Variants in RAN observed in about 807,000 individuals in gnomAD.
RAN encodes the protein RAN, member RAS oncogene family, also known as GTP-binding nuclear protein Ran.
RAN carries 2 observed loss-of-function variants against 26.8 expected under a neutral mutation model. That is an observed-to-expected ratio of 0.07 (90% CI 0.03 to 0.23). RAN has a LOEUF of 0.23. RAN is among the 10% of genes least tolerant of loss of function. RAN has a pLI of 1.00. For synonymous variants in RAN, 132 were observed against 95.9 expected (o/e 1.38, Z -2.20); for missense variants, 56 against 264.8 (o/e 0.21, Z 5.47).
intron 5 of RAN, 112 bp downstream of exon 5, chr12:130,874,845 C>T (rs79644464): frequency 1.5e-4 from 144 of 937,132 alleles, no homozygotes; most frequent in Middle Eastern, 3.2e-4. Context: ...TTCCCCAAGA[C>T]GGAGTCTTCC....
chr12:130,873,115 C>T lies in RAN; in HGVS notation c.234C>T (p.Gly78=), dbSNP rs1953170064. 1 of 1,614,114 alleles carries T rather than the reference C, an allele frequency of 6.2e-7. No individual in the cohort carries two copies. Among genetic ancestry groups the T allele is most frequent in the Non-Finnish European group, 8.5e-7 (1 of 1,180,002 alleles). Residue 78 remains glycine, a synonymous_variant, in exon 4 of 7, where the codon GGC becomes GGT. Coordinates refer to ENST00000543796, the MANE Select transcript of RAN (RefSeq NM_006325.5). The part of the protein sequence containing the change: ...GQEKFGGLRD[G]YYIQAQCAII... ...AGAAATTCGGTGGACTGAGAGATGG[C>T]TATTATATCCAAGGTAGGCATTTGT...
intron 1 of RAN, chr12:130,872,377 C>T (rs1382422878): frequency 3.7e-5 from 6 of 162,674 alleles, no homozygotes; most frequent in East Asian, 3.7e-4. Context: ...GTTCCCATCC[C>T]TACACCTCCG....
chr12:130,873,517 G>T (rs1386555477), intron 4 of RAN: 1 of 201,874 alleles, frequency 5.0e-6, no homozygotes, highest in African/African-American at 2.3e-5. Flanking sequence ...GACCAGAGGA[G>T]ATAGGAGATC....
chr12:130,875,794 A>G lies in RAN; in HGVS notation c.606+12A>G, dbSNP rs1953227830. ...AGCACGACTTAGAGGTATTGTGGCC[A>G]CTTTGCTGTTCAGATTGTTCGGTTT... On this transcript the variant is annotated intron_variant, in intron 6 of 6. Coordinates refer to ENST00000543796, the MANE Select transcript of RAN (RefSeq NM_006325.5). The G allele has an allele frequency of 1.2e-6, 2 of 1,614,112 alleles. No homozygotes were observed. Among genetic ancestry groups the G allele is most frequent in the African/African-American group, 1.3e-5 (1 of 75,022 alleles).
rs1291083991 is a variant in RAN at position 130,873,126 on chromosome 12, A to G, written c.245A>G (p.Gln82Arg). Reference protein sequence around the residue: ...FGGLRDGYYIQAQCAIIMFDV... With the variant: ...FGGLRDGYYIRAQCAIIMFDV... Reference sequence around the variant, plus strand: ...GGACTGAGAGATGGCTATTATATCCAAGGTAGGCATTTGTAACTTGCTGAA... The same window carrying G: ...GGACTGAGAGATGGCTATTATATCCGAGGTAGGCATTTGTAACTTGCTGAA... The change falls in exon 4 of 7, where the codon CAA becomes CGA. Residue 82 changes from glutamine (Q) to arginine (R), a missense_variant and splice_region_variant. Physicochemically the swap from Gln to Arg is conservative, Grantham distance 43. Transcript: ENST00000543796. 1 of 1,614,042 alleles carries G rather than the reference A, an allele frequency of 6.2e-7. No individual in the cohort carries two copies. Among genetic ancestry groups the G allele is most frequent in the African/African-American group, 1.3e-5 (1 of 74,924 alleles).
chr12:130,875,753 T>C lies in RAN; in HGVS notation c.577T>C (p.Leu193=). ...APPEVVMDPA[L]AAQYEHDLEV... The stretch of plus-strand genomic sequence containing the variant: ...ACCAGAAGTTGTCATGGACCCAGCT[T>C]TGGCAGCACAGTATGAGCACGACTT... The change falls in exon 6 of 7, where the codon TTG becomes CTG. Residue 193 remains leucine, a synonymous_variant. Coordinates refer to ENST00000543796, the MANE Select transcript of RAN (RefSeq NM_006325.5). 1 of 1,614,070 alleles carries C rather than the reference T, an allele frequency of 6.2e-7. No homozygotes were observed. The highest frequency in any genetic ancestry group is 8.5e-7 in the Non-Finnish European group (1 of 1,179,996).
rs1421637621 is a variant in RAN, at chr12:130,876,922, T to G, written c.*996T>G. On this transcript the variant is annotated 3_prime_UTR_variant, in exon 7 of 7. Transcript: ENST00000543796. Reference sequence around the variant, plus strand: ...AGTTCACACTACACCGTTTTTTTGTTTTTTTTTCCCCCCCGGGAGGGTTTT... The same window carrying G: ...AGTTCACACTACACCGTTTTTTTGTGTTTTTTTCCCCCCCGGGAGGGTTTT... 1 of 151,892 alleles carries G rather than the reference T, an allele frequency of 6.6e-6. No homozygotes were observed. The highest frequency in any genetic ancestry group is 1.5e-5 in the Non-Finnish European group (1 of 67,914). The allele number at this position is 151,892 out of a possible 1,614,324, so 9.4% of individuals were successfully genotyped here.
At position 130,872,871 on chromosome 12, in the gene RAN, G is replaced by T; in HGVS notation, c.72G>T (p.Thr24=). ...TTGGTGATGGTGGTACTGGAAAAAC[G>T]ACCTTCGTGAAACGTCATTTGACTG... ...VLVGDGGTGK[T]TFVKRHLTGE... Residue 24 remains threonine, a synonymous_variant, in exon 3 of 7, where the codon ACG becomes ACT. Coordinates refer to ENST00000543796, the MANE Select transcript of RAN (RefSeq NM_006325.5). 2 of 1,614,186 alleles carry T rather than the reference G, an allele frequency of 1.2e-6. No individual in the cohort carries two copies. Among genetic ancestry groups the T allele is most frequent in the South Asian group, 2.2e-5 (2 of 91,036 alleles).
rs1458544420 is a variant in RAN at position 130,877,328 on chromosome 12, T to TA, written c.*1405dup. Reference sequence around the variant, plus strand: ...AAAATGAAATAAGGGTGAAGCTGAATAAAGTTCTACTTACTGTATTAACTG... The same window carrying TA: ...AAAATGAAATAAGGGTGAAGCTGAATAAAAGTTCTACTTACTGTATTAACTG... On this transcript the variant is annotated 3_prime_UTR_variant, in exon 7 of 7. Coordinates refer to ENST00000543796, the MANE Select transcript of RAN (RefSeq NM_006325.5). 6.6e-6 allele frequency: 1 copy of TA among 152,232 alleles called. No homozygotes were observed. The highest frequency in any genetic ancestry group is 1.5e-5 in the Non-Finnish European group (1 of 68,052). The allele number at this position is 152,232 out of a possible 1,614,324, so 9.4% of individuals were successfully genotyped here. A position where few individuals can be genotyped will look rare whatever the true frequency, so the allele number is the denominator to read the frequency against.
rs1171556860 is a variant in RAN, at chr12:130,872,581, C to T, written c.-10-3C>T. On this transcript the variant is annotated splice_polypyrimidine_tract_variant and splice_region_variant and intron_variant, in intron 1 of 6. Coordinates refer to ENST00000543796, the MANE Select transcript of RAN (RefSeq NM_006325.5). ...CGCTCGCCTCCGTCCTCTGCCTCCG[C>T]AGGAACGCCGCGATGGCTGCGCAGG... 2 of 1,512,456 alleles carry T rather than the reference C, an allele frequency of 1.3e-6. No homozygotes were observed. Among genetic ancestry groups the T allele is most frequent in the East Asian group, 2.5e-5 (1 of 40,412 alleles). The allele number at this position is 1,512,456 out of a possible 1,614,324, so 93.7% of individuals were successfully genotyped here.
intron 1 of RAN, chr12:130,872,349 CGTCCCGGTCCCA>C (rs1287918660): frequency 6.3e-6 from 1 of 158,034 alleles, no homozygotes; most frequent in African/African-American, 2.4e-5. Flanking sequence ...CTCTCATCCC[CGTCCCGGTCCCA>C]GTCCCGTTCC....
intron 1 of RAN, 40 bp downstream of exon 1, chr12:130,872,166 CA>C (rs774051767): frequency 6.4e-4 from 117 of 182,576 alleles, no homozygotes; most frequent in Non-Finnish European, 1.0e-3. Context: ...CGGGCGGGGA[CA>C]GGGGTGGCGG....
chr12:130,872,523 G>C, intron 1 of RAN, 61 bp from the exon 2 acceptor site: 1 of 1,247,746 alleles, frequency 8.0e-7, no homozygotes, highest in Non-Finnish European at 1.0e-6. Context: ...GGGCGCGGGA[G>C]CGGGGCCGCC....
chr12:130,876,157 T>A lies in RAN; in HGVS notation c.*231T>A. On this transcript the variant is annotated 3_prime_UTR_variant, in exon 7 of 7. Transcript: ENST00000543796. ...GCTGTTTTGGAACGCAGTTGATTCCTTGAGTTTCATATATAAGACTGCTGC... is the reference window on the plus strand; with the variant it reads ...GCTGTTTTGGAACGCAGTTGATTCCATGAGTTTCATATATAAGACTGCTGC... 1 of 565,030 alleles carries A rather than the reference T, an allele frequency of 1.8e-6. No individual in the cohort carries two copies. The highest frequency in any genetic ancestry group is 2.2e-5 in the South Asian group (1 of 46,326). The allele number at this position is 565,030 out of a possible 1,614,324, so 35.0% of individuals were successfully genotyped here.
chr12:130,875,582 A>G, intron 5 of RAN, 30 bp from the exon 6 acceptor site: 1 of 1,512,056 alleles, frequency 6.6e-7, no homozygotes, highest in South Asian at 1.3e-5. Context: ...AATGAATTTT[A>G]AAAAGTAATT....
intron 4 of RAN, chr12:130,873,568 T>G (rs546460657): frequency 5.8e-6 from 1 of 172,752 alleles, no homozygotes; most frequent in South Asian, 1.2e-4. Context: ...TCTTGTTAAA[T>G]TGTTTGTACT....
At chr12:130,872,156 C>T (rs144406413) in intron 1 of RAN, 30 bp downstream of exon 1, 12,253 of 199,656 alleles carry the variant, frequency 0.061, 531 homozygotes, top group Non-Finnish European at 0.084. Flanking sequence ...CCGGCACGGC[C>T]GGGCGGGGAC....
chr12:130,874,884 G>A (rs1333847048), intron 5 of RAN, 151 bp downstream of exon 5: 10 of 694,398 alleles, frequency 1.4e-5, no homozygotes, highest in East Asian at 5.9e-5. Flanking sequence ...GTGCAGTGTC[G>A]CAATCTTGGC....
chr12:130,873,208 G>T, intron 4 of RAN, 80 bp downstream of exon 4: 1 of 1,561,780 alleles, frequency 6.4e-7, no homozygotes, highest in Non-Finnish European at 8.7e-7. Context: ...AATCAGGTCT[G>T]TTCCAACAAA....
Sources: gnomAD v4.1 joint callset for allele counts on GRCh38, gnomAD v4.1.1 for gene constraint, MANE v1.5 for transcripts, NCBI Gene and HGNC (gene_info 2026-07-23, HGNC 2026-07-21) for gene names.